FAM178B: variants seen among roughly 807,000 people sequenced by gnomAD.
FAM178B encodes the protein family with sequence similarity 178 member B, also known as protein FAM178B.
In FAM178B, 82 loss-of-function variants were observed where a neutral mutation model predicts 91.7. The ratio of observed to expected loss-of-function variants is 0.89; its 90% confidence interval spans 0.75 to 1.07. FAM178B has a LOEUF of 1.07. FAM178B is among the 50% of genes least tolerant of loss of function. The pLI, the probability that FAM178B is intolerant of heterozygous loss-of-function variation, is 0.00. For synonymous variants in FAM178B, 368 were observed against 359.4 expected, an observed-to-expected ratio of 1.02 and a Z score of -0.27; for missense variants, 769 against 846.7, an observed-to-expected ratio of 0.91 and a Z score of 1.14.
intron 13 of FAM178B, among the ~76,000 whole-genome samples, chr2:96,897,567 G>A (rs1452679403): frequency 1.3e-5 from 2 of 152,094 alleles, no homozygotes; most frequent in Admixed American, 6.5e-5. Flanking sequence ...TCTCCATCCC[G>A]CCTGTTGCAC....
intron 12 of FAM178B, among the ~76,000 whole-genome samples, chr2:96,905,856 ATATATTTTTTTTTTTTTTTTTT>A (rs1295590431): frequency 1.1e-4 from 2 of 18,120 alleles, no homozygotes; most frequent in Non-Finnish European, 1.8e-4. Flanking sequence ...ATATATATAT[ATATATTTTTTTTTTTTTTTTTT>A]TTTTTTTTTT....
At chr2:96,926,303 A>C (rs906750409) in intron 9 of FAM178B, among the ~76,000 whole-genome samples, 63 of 143,870 alleles carry the variant, frequency 4.4e-4, no homozygotes, top group Admixed American at 6.8e-4. Context: ...ACTCTGTCTC[A>C]AAAAAAAAAG....
intron 3 of FAM178B, among the ~76,000 whole-genome samples, chr2:96,971,012 T>C (rs531798859): frequency 6.6e-6 from 1 of 151,464 alleles, no homozygotes; most frequent in Admixed American, 6.6e-5. Context: ...GGGATAGGCA[T>C]TCCTCATGTG....
intron 1 of FAM178B, among the ~76,000 whole-genome samples, chr2:96,972,958 C>T (rs1450069503): frequency 6.6e-6 from 1 of 151,818 alleles, no homozygotes; most frequent in Non-Finnish European, 1.5e-5. Context: ...GCTGGGATTA[C>T]AGACATGCGC....
chr2:96,921,626 G>A lies in FAM178B; in HGVS notation c.1316C>T (p.Pro439Leu), dbSNP rs377110345. 151 of 1,551,524 alleles carry A rather than the reference G, an allele frequency of 9.7e-5. No individual in the cohort carries two copies. Among genetic ancestry groups the A allele is most frequent in the Non-Finnish European group, 1.2e-4 (139 of 1,146,988 alleles). ...KFLALCAQAQ[P>L]GAYTDENLMG... The stretch of plus-strand genomic sequence containing the variant: ...GAGGTTCTCATCAGTGTAGGCCCCC[G>A]GCTGGGCCTGGGCACACAGCGCCAG... The change falls in exon 11 of 17, where the codon CCG becomes CTG. Residue 439 changes from proline to leucine, a missense_variant. By Grantham distance (98) the Pro-to-Leu change is moderately conservative. Coordinates refer to ENST00000490605, the MANE Select transcript of FAM178B (RefSeq NM_001122646.3).
chr2:96,960,584 C>T, intron 5 of FAM178B, 144 bp from the exon 6 acceptor site: 1 of 968,300 alleles, frequency 1.0e-6, no homozygotes, highest in South Asian at 1.8e-5. Flanking sequence ...ACAGCGCCAC[C>T]TGCTGATGGA....
chr2:96,879,570 G>T (rs562781326), intron 14 of FAM178B, among the ~76,000 whole-genome samples: 2 of 152,232 alleles, frequency 1.3e-5, no homozygotes, highest in African/African-American at 2.4e-5. Context: ...CCCAAATACC[G>T]CAGTGCAAAA....
At chr2:96,891,057 A>G (rs1242004247) in intron 14 of FAM178B, among the ~76,000 whole-genome samples, 1 of 152,220 alleles carries the variant, frequency 6.6e-6, no homozygotes, top group Non-Finnish European at 1.5e-5. Flanking sequence ...AGAAGCTCTT[A>G]TAGTCCATAT....
intron 1 of FAM178B, chr2:96,978,043 C>A: frequency 2.5e-6 from 1 of 392,738 alleles, no homozygotes; most frequent in Non-Finnish European, 5.1e-6. Context: ...CACAACTTCT[C>A]AACTATTCCT....
At chr2:96,878,148 GTGAC>G in intron 15 of FAM178B, 106 bp from the exon 16 acceptor site, 1 of 1,257,146 alleles carries the variant, frequency 8.0e-7, no homozygotes, top group South Asian at 1.3e-5. Flanking sequence ...GCACATTTGA[GTGAC>G]TGTTCAGAAG....
intron 7 of FAM178B, among the ~76,000 whole-genome samples, 158 bp downstream of exon 7, chr2:96,951,221 C>G (rs988236144): frequency 6.6e-6 from 1 of 152,144 alleles, no homozygotes; most frequent in East Asian, 1.9e-4. Flanking sequence ...TTGTGGGGAT[C>G]GATGCCCAAT....
At chr2:96,904,541 ATT>A (rs11284849) in intron 12 of FAM178B, among the ~76,000 whole-genome samples, 8,811 of 96,428 alleles carry the variant, frequency 0.091, 150 homozygotes, top group East Asian at 0.15. Context: ...ATGCCTGGCT[ATT>A]TTTTTTTTTT....
chr2:96,915,037 T>C (rs996328683), intron 12 of FAM178B, among the ~76,000 whole-genome samples: 1 of 151,986 alleles, frequency 6.6e-6, no homozygotes, highest in Non-Finnish European at 1.5e-5. Flanking sequence ...TTTGCTGAGA[T>C]GGAAAATGGG....
intron 14 of FAM178B, among the ~76,000 whole-genome samples, chr2:96,880,448 G>A (rs1233911241): frequency 6.6e-6 from 1 of 152,200 alleles, no homozygotes; most frequent in Admixed American, 6.5e-5. Flanking sequence ...CCACACTGGT[G>A]TGCTGGAATG....
chr2:96,915,407 C>T (rs1253571687), intron 12 of FAM178B, among the ~76,000 whole-genome samples: 6 of 151,678 alleles, frequency 4.0e-5, no homozygotes, highest in Middle Eastern at 3.4e-3. Context: ...TGTGAGCCAC[C>T]GCACCCAGCC....
At chr2:96,947,153 T>C (rs1375613276) in intron 8 of FAM178B, among the ~76,000 whole-genome samples, 9 of 152,154 alleles carry the variant, frequency 5.9e-5, no homozygotes, top group Non-Finnish European at 2.9e-5. Context: ...CCAAAGTGTC[T>C]AGGTTCAGGT....
intron 13 of FAM178B, chr2:96,898,231 G>A (rs1210715193): frequency 3.2e-6 from 2 of 625,996 alleles, no homozygotes; most frequent in Non-Finnish European, 4.0e-6. Context: ...CTGTGAACCG[G>A]GACTAAAGCC....
intron 9 of FAM178B, among the ~76,000 whole-genome samples, chr2:96,926,019 G>A (rs2081432103): frequency 6.6e-6 from 1 of 151,080 alleles, no homozygotes; most frequent in African/African-American, 2.5e-5. Flanking sequence ...AAACCAAGTG[G>A]CTGGCGGGGC....
intron 8 of FAM178B, among the ~76,000 whole-genome samples, chr2:96,933,041 A>G (rs1483857761): frequency 2.7e-5 from 4 of 150,614 alleles, no homozygotes; most frequent in Non-Finnish European, 5.9e-5. Flanking sequence ...TCAGGAGATC[A>G]AGACCATCCT....
Sources: gnomAD v4.1 joint callset for allele counts (sites outside exome capture counted in the v4.1 genomes callset) on GRCh38, gnomAD v4.1.1 for gene constraint, MANE v1.5 for transcripts, NCBI Gene and HGNC (gene_info 2026-07-23, HGNC 2026-07-21) for gene names.